PLXNA2: variants seen among roughly 807,000 people sequenced by gnomAD.
PLXNA2 encodes the protein plexin-A2.
Under a neutral mutation model 193.5 loss-of-function variants are expected in PLXNA2, and 91 were observed. That is an observed-to-expected ratio of 0.47 (90% CI 0.40 to 0.56). The LOEUF (loss-of-function observed/expected upper bound fraction) is 0.56. Ranked by LOEUF, PLXNA2 falls within the 20% of genes least tolerant of loss-of-function variation. The probability of loss-of-function intolerance (pLI) is 0.00; values close to 1 mark genes in which losing one functional copy is unlikely to be tolerated. For missense variants in PLXNA2, 1,995 were observed against 2,503.2 expected (o/e 0.80, Z 4.33); for synonymous variants, 997 against 1,027.3 (o/e 0.97, Z 0.56).
At chr1:208,178,333 C>T (rs566146201) in intron 3 of PLXNA2, among the ~76,000 whole-genome samples, 1 of 152,300 alleles carries the variant, frequency 6.6e-6, no homozygotes, top group East Asian at 1.9e-4. Context: ...GGGACATTGT[C>T]ACTTTCTGCT....
chr1:208,111,736 G>A (rs925002475), intron 4 of PLXNA2, among the ~76,000 whole-genome samples: 1 of 152,102 alleles, frequency 6.6e-6, no homozygotes, highest in South Asian at 2.1e-4. Context: ...TGTTCTCAGT[G>A]TTAGATCCAT....
At position 208,028,087 on chromosome 1, in the gene PLXNA2, G is replaced by A; in HGVS notation, c.5511C>T (p.Ser1837=). 3 of 1,613,622 alleles carry A rather than the reference G, an allele frequency of 1.9e-6. No individual in the cohort carries two copies. The highest frequency in any genetic ancestry group is 2.5e-6 in the Non-Finnish European group (3 of 1,179,786). ...QDMNAYLAEQ[S]RLHAVEFNML... is the part of the protein sequence containing the mutation. ...TGTTGAACTCCACGGCGTGCAGGCG[G>A]GACTGCTCGGCGAGGTAGGCATTCA... The change falls in exon 31 of 32, where the codon TCC becomes TCT. Residue 1837 remains serine, a synonymous_variant. Transcript: ENST00000367033. The surrounding 1 kb of genome is among the most constrained non-coding windows in gnomAD (Gnocchi z 4.2).
intron 2 of PLXNA2, among the ~76,000 whole-genome samples, chr1:208,212,872 A>G (rs1322424121): frequency 1.3e-5 from 2 of 152,364 alleles, no homozygotes; most frequent in East Asian, 3.9e-4. Flanking sequence ...GCCTTTCTCT[A>G]CTGAAACCAG....
intron 3 of PLXNA2, among the ~76,000 whole-genome samples, chr1:208,165,489 G>A (rs563991061): frequency 2.0e-5 from 3 of 152,254 alleles, no homozygotes; most frequent in Admixed American, 1.3e-4. Context: ...TTCAGTAAGG[G>A]CTTTCTGATG....
chr1:208,232,253 G>A (rs903409793), intron 1 of PLXNA2, among the ~76,000 whole-genome samples: 12 of 152,156 alleles, frequency 7.9e-5, no homozygotes, highest in African/African-American at 2.4e-4. Context: ...CTCCCCAGCC[G>A]GCCCTTTATT....
intron 3 of PLXNA2, among the ~76,000 whole-genome samples, chr1:208,209,678 C>T (rs567377992): frequency 6.6e-6 from 1 of 152,144 alleles, no homozygotes; most frequent in African/African-American, 2.4e-5. Context: ...GGTAAAATGT[C>T]TACTTCCACC....
At chr1:208,065,440 G>A (rs942105057) in intron 12 of PLXNA2, among the ~76,000 whole-genome samples, 3 of 152,212 alleles carry the variant, frequency 2.0e-5, no homozygotes, top group Admixed American at 1.3e-4. Context: ...GCCTCACAGG[G>A]ATGATGTGAA....
At chr1:208,179,090 T>G (rs1189361634) in intron 3 of PLXNA2, among the ~76,000 whole-genome samples, 1 of 152,034 alleles carries the variant, frequency 6.6e-6, no homozygotes, top group Non-Finnish European at 1.5e-5. Flanking sequence ...ACGGAGAGTC[T>G]CTGGTGATGA....
chr1:208,052,977 C>A (rs1375348670), intron 14 of PLXNA2, among the ~76,000 whole-genome samples: 2 of 152,078 alleles, frequency 1.3e-5, no homozygotes, highest in African/African-American at 4.8e-5. Context: ...AGAGAGCTGT[C>A]AGTAAATGTT....
At chr1:208,127,373 A>T (rs553624827) in intron 4 of PLXNA2, among the ~76,000 whole-genome samples, 2 of 152,376 alleles carry the variant, frequency 1.3e-5, no homozygotes, top group East Asian at 3.9e-4. Flanking sequence ...GCAGCCAATC[A>T]AGACATAGTT....
chr1:208,211,916 G>T lies in PLXNA2; in HGVS notation c.1189-1454C>A, dbSNP rs374043850. Among the ~76,000 whole-genome samples, 161 of 152,324 alleles carry T rather than the reference G, an allele frequency of 1.1e-3. 3 individuals carry two copies. The South Asian group carries it at 0.029, about 28-fold the overall frequency. ...GACCATAATGCTTCCTGAGGCAGGG[G>T]CTGCTGAGGGGTTTGCATTCTGTAC... On this transcript the variant is annotated intron_variant, in intron 2 of 31. Transcript: ENST00000367033.
chr1:208,213,518 A>G (rs1033631853), intron 2 of PLXNA2, among the ~76,000 whole-genome samples: 1 of 152,232 alleles, frequency 6.6e-6, no homozygotes, highest in African/African-American at 2.4e-5. Flanking sequence ...AGCAAGTGAG[A>G]TAACACTTAA....
chr1:208,188,674 A>C (rs900402012), intron 3 of PLXNA2, among the ~76,000 whole-genome samples: 1 of 150,292 alleles, frequency 6.7e-6, no homozygotes, highest in Non-Finnish European at 1.5e-5. Context: ...GCACCACTGC[A>C]CTCCAGCCTG....
intron 3 of PLXNA2, among the ~76,000 whole-genome samples, chr1:208,194,319 A>T (rs1293277691): frequency 1.3e-5 from 2 of 152,062 alleles, no homozygotes; most frequent in Non-Finnish European, 2.9e-5. Context: ...AACAATCACT[A>T]CCTAGAGTCA....
At position 208,039,561 on chromosome 1, in the gene PLXNA2, C is replaced by T. The variant is rs578230593; in HGVS notation, c.4500+60G>A. On this transcript the variant is annotated intron_variant, in intron 24 of 31. Coordinates refer to ENST00000367033, the MANE Select transcript of PLXNA2 (RefSeq NM_025179.4). ...CTAGACTGCTTTTATGGACAGAAGG[C>T]AGAGCAAGGGGCAGAAGTAGAAGAT... 17 of 1,603,958 alleles carry T rather than the reference C, an allele frequency of 1.1e-5. No individual in the cohort carries two copies. The East Asian group carries it at 3.6e-4, about 34-fold the overall frequency.
At chr1:208,179,897 T>G (rs1365163504) in intron 3 of PLXNA2, among the ~76,000 whole-genome samples, 1 of 152,142 alleles carries the variant, frequency 6.6e-6, no homozygotes, top group Non-Finnish European at 1.5e-5. Context: ...CTAAGGCATC[T>G]TTCTTACTCT....
intron 1 of PLXNA2, among the ~76,000 whole-genome samples, chr1:208,239,972 G>C (rs1486041353): frequency 3.3e-5 from 5 of 152,172 alleles, no homozygotes; most frequent in African/African-American, 1.2e-4. Flanking sequence ...AACACCTGCT[G>C]GTCCTCTGAG....
chr1:208,077,698 G>T (rs1666205863), intron 12 of PLXNA2, among the ~76,000 whole-genome samples: 1 of 152,230 alleles, frequency 6.6e-6, no homozygotes, highest in Admixed American at 6.5e-5. Context: ...CTAGCTGTCT[G>T]AGGGCAGAGG....
At chr1:208,056,044 G>A (rs1188102018) in intron 13 of PLXNA2, among the ~76,000 whole-genome samples, 1 of 152,254 alleles carries the variant, frequency 6.6e-6, no homozygotes, top group Non-Finnish European at 1.5e-5. Context: ...ACTGTCTCCT[G>A]AAACCCCATT....
Sources: allele counts gnomAD v4.1 joint callset (sites outside exome capture counted in the v4.1 genomes callset), GRCh38; gene constraint gnomAD v4.1.1; non-coding constraint Gnocchi (gnomAD v3.1); transcripts MANE v1.5; gene names NCBI Gene and HGNC (gene_info 2026-07-23, HGNC 2026-07-21).